The following MAGI3 variants were observed in gnomAD, a reference collection of about 807,000 sequenced individuals.
The protein encoded by MAGI3 is membrane associated guanylate kinase, WW and PDZ domain containing 3, also known as membrane-associated guanylate kinase, WW and PDZ domain-containing protein 3.
A neutral mutation model predicts 121.8 loss-of-function variants in MAGI3; 43 were observed. The observed-to-expected ratio is 0.35, with a 90% CI of 0.28 to 0.46. The LOEUF is 0.46. MAGI3 is among the 20% of genes least tolerant of loss of function. MAGI3 has a pLI of 1.00. For missense variants in MAGI3, 1,547 were observed against 1,797.3 expected, an observed-to-expected ratio of 0.86 and a Z score of 2.52; for synonymous variants, 553 against 639.3, an observed-to-expected ratio of 0.86 and a Z score of 2.04.
chr1:113,483,882 C>T (rs1476132631), intron 1 of MAGI3, among the ~76,000 whole-genome samples: 1 of 152,118 alleles, frequency 6.6e-6, no homozygotes, highest in South Asian at 2.1e-4. Context: ...TACTTTTTCT[C>T]TCTAATGTGA....
At chr1:113,541,573 C>T (rs1013078299) in intron 1 of MAGI3, among the ~76,000 whole-genome samples, 3 of 152,076 alleles carry the variant, frequency 2.0e-5, no homozygotes, top group Admixed American at 6.5e-5. Flanking sequence ...CTGTAACGAG[C>T]GTGGCATACT....
intron 6 of MAGI3, among the ~76,000 whole-genome samples, chr1:113,606,362 G>A (rs2101762044): frequency 6.6e-6 from 1 of 152,014 alleles, no homozygotes; most frequent in East Asian, 1.9e-4. Context: ...CATTCTAAAG[G>A]CAAACTAGAA....
At chr1:113,515,938 C>A (rs1273981829) in intron 1 of MAGI3, among the ~76,000 whole-genome samples, 1 of 151,938 alleles carries the variant, frequency 6.6e-6, no homozygotes, top group African/African-American at 2.4e-5. Context: ...ACATTTTGAA[C>A]TGGGTAATTA....
intron 1 of MAGI3, chr1:113,450,184 G>A (rs1358685075): frequency 1.2e-5 from 18 of 1,546,594 alleles, no homozygotes; most frequent in Non-Finnish European, 1.5e-5. Context: ...TAAAATTGTT[G>A]TTCAGAAATA....
At chr1:113,601,782 T>C (rs9659521) in intron 6 of MAGI3, among the ~76,000 whole-genome samples, 34,088 of 142,758 alleles carry the variant, frequency 0.24, 5,081 homozygotes, top group East Asian at 0.66. Context: ...AGTATGTTTA[T>C]TGTGGCACTA....
At chr1:113,505,547 TAA>T (rs1274681379) in intron 1 of MAGI3, among the ~76,000 whole-genome samples, 1 of 147,744 alleles carries the variant, frequency 6.8e-6, no homozygotes, top group Non-Finnish European at 1.5e-5. Context: ...AATAAATAAA[TAA>T]ATAAATATAT....
At chr1:113,646,454 A>C in intron 11 of MAGI3, 32 bp from the exon 12 acceptor site, 1 of 1,541,310 alleles carries the variant, frequency 6.5e-7, no homozygotes, top group Non-Finnish European at 8.8e-7. Flanking sequence ...TGCTTTTTAA[A>C]AAATACTAAG....
rs536021238 is a variant in MAGI3 at position 113,515,377 on chromosome 1, T to A, written c.317-34138T>A. On this transcript the variant is annotated intron_variant, in intron 1 of 20. Coordinates refer to ENST00000307546, the MANE Select transcript of MAGI3 (RefSeq NM_001142782.2). ...GAGAGAATGAAGACTAGGAAATGAATTTTTACTATCTCTTCTCAAATGTTT... is the reference window on the plus strand; with the variant it reads ...GAGAGAATGAAGACTAGGAAATGAAATTTTACTATCTCTTCTCAAATGTTT... Among the ~76,000 whole-genome samples the A allele has an allele frequency of 2.0e-5, 3 of 152,102 alleles. No individual in the cohort carries two copies. The East Asian group carries it at 5.8e-4, about 29-fold the overall frequency.
chr1:113,671,879 C>G (rs771537813), intron 17 of MAGI3, 43 bp downstream of exon 17: 6 of 1,532,758 alleles, frequency 3.9e-6, no homozygotes, highest in African/African-American at 2.7e-5. Context: ...TTTTCTTATT[C>G]TCTCCTTATT....
intron 1 of MAGI3, among the ~76,000 whole-genome samples, chr1:113,439,030 C>G (rs1393021689): frequency 6.6e-6 from 1 of 152,130 alleles, no homozygotes; most frequent in Non-Finnish European, 1.5e-5. Context: ...TATTCTTGAG[C>G]TTTGGGGCCA....
chr1:113,646,060 C>T (rs1165779977), intron 11 of MAGI3, among the ~76,000 whole-genome samples: 1 of 152,130 alleles, frequency 6.6e-6, no homozygotes, highest in African/African-American at 2.4e-5. Context: ...TAAACATCTT[C>T]CTTAGAAATT....
chr1:113,596,377 C>G (rs1329269641), intron 6 of MAGI3, among the ~76,000 whole-genome samples: 1 of 152,098 alleles, frequency 6.6e-6, no homozygotes, highest in Non-Finnish European at 1.5e-5. Flanking sequence ...AAAGCTAGAA[C>G]CACAAAGCTT....
At chr1:113,461,739 T>G (rs949755569) in intron 1 of MAGI3, among the ~76,000 whole-genome samples, 1 of 152,090 alleles carries the variant, frequency 6.6e-6, no homozygotes, top group Non-Finnish European at 1.5e-5. Context: ...TAATTAAACT[T>G]AAGAGCTTCT....
At chr1:113,462,890 G>A (rs765400892) in intron 1 of MAGI3, among the ~76,000 whole-genome samples, 12 of 151,970 alleles carry the variant, frequency 7.9e-5, no homozygotes, top group African/African-American at 2.2e-4. Flanking sequence ...ATGGATTACC[G>A]AAAGATTTAA....
chr1:113,434,273 A>C (rs1215310136), intron 1 of MAGI3, among the ~76,000 whole-genome samples: 1 of 152,196 alleles, frequency 6.6e-6, no homozygotes, highest in Non-Finnish European at 1.5e-5. Context: ...GTTAATCATT[A>C]AAAGCACACT....
At chr1:113,574,741 A>G (rs1229329964) in intron 2 of MAGI3, among the ~76,000 whole-genome samples, 1 of 152,058 alleles carries the variant, frequency 6.6e-6, no homozygotes, top group East Asian at 1.9e-4. Context: ...CTCTCTTGCT[A>G]GGTTGCGGAG....
At chr1:113,435,020 T>C (rs1214769749) in intron 1 of MAGI3, among the ~76,000 whole-genome samples, 1 of 152,222 alleles carries the variant, frequency 6.6e-6, no homozygotes, top group Admixed American at 6.5e-5. Context: ...TTAGTTGTTA[T>C]GCAATATGTA....
At chr1:113,585,335 C>T in intron 3 of MAGI3, 52 bp from the exon 4 acceptor site, 1 of 1,540,186 alleles carries the variant, frequency 6.5e-7, no homozygotes, top group Non-Finnish European at 9.0e-7. Context: ...TCAAATTGCT[C>T]TGACTCTCAC....
intron 1 of MAGI3, among the ~76,000 whole-genome samples, chr1:113,491,684 A>G (rs1211805817): frequency 6.6e-6 from 1 of 152,158 alleles, no homozygotes; most frequent in Non-Finnish European, 1.5e-5. Context: ...GACAAGGGTG[A>G]TATTACCAGT....
Sources: allele counts gnomAD v4.1 joint callset (sites outside exome capture counted in the v4.1 genomes callset), GRCh38; gene constraint gnomAD v4.1.1; transcripts MANE v1.5; gene names NCBI Gene and HGNC (gene_info 2026-07-23, HGNC 2026-07-21).